The following EYS variants were observed in gnomAD, a reference collection of about 807,000 sequenced individuals.
The protein encoded by EYS is protein eyes shut homolog.
EYS carries 250 observed loss-of-function variants against 282.1 expected under a neutral mutation model. The ratio of observed to expected loss-of-function variants is 0.89; its 90% CI spans 0.80 to 0.98. EYS has a LOEUF of 0.98. Ranked by LOEUF, EYS falls within the 50% of genes least tolerant of loss-of-function variation. EYS has a pLI of 0.00. For synonymous variants in EYS, 1,355 were observed against 1,282.9 expected (o/e 1.06, Z -1.20); for missense variants, 4,016 against 3,709.0 (o/e 1.08, Z -2.15).
intron 12 of EYS, among the ~76,000 whole-genome samples, chr6:65,164,460 T>A (rs1283808409): frequency 6.6e-6 from 1 of 151,266 alleles, no homozygotes. Context: ...TTCCTTTTCT[T>A]ACTATATGCT....
intron 37 of EYS, among the ~76,000 whole-genome samples, chr6:63,802,995 G>A (rs1021200999): frequency 6.6e-6 from 1 of 152,192 alleles, no homozygotes; most frequent in Non-Finnish European, 1.5e-5. Context: ...AATGTCACAT[G>A]TAAGATTTCA....
chr6:64,133,476 TCACACACACA>T lies in EYS; in HGVS notation c.6425-51484_6425-51475del, dbSNP rs61088369. Among the ~76,000 whole-genome samples, 631 of 142,448 alleles carry T rather than the reference TCACACACACA, an allele frequency of 4.4e-3. 9 individuals are homozygous for T. The highest frequency in any genetic ancestry group is 0.015 in the African/African-American group (579 of 39,308). 93.5% of individuals were successfully genotyped at this position (142,448 alleles called of 152,430 possible). ...GAACTTGGCTTTCTTTTGCATTACT[TCACACACACA>T]CACACACACACACACACACACACAC... On this transcript the variant is annotated intron_variant, in intron 31 of 42. Coordinates refer to ENST00000503581, the MANE Select transcript of EYS (RefSeq NM_001142800.2).
chr6:65,584,679 G>A (rs2127363131), intron 2 of EYS, among the ~76,000 whole-genome samples: 1 of 151,912 alleles, frequency 6.6e-6, no homozygotes, highest in South Asian at 2.1e-4. Context: ...CCCATCCAAA[G>A]TTTATGGCAT....
chr6:64,253,463 CAACA>C (rs945098472), intron 30 of EYS, among the ~76,000 whole-genome samples: 2 of 152,140 alleles, frequency 1.3e-5, no homozygotes, highest in Non-Finnish European at 1.5e-5. Flanking sequence ...CTTGTGAGAG[CAACA>C]AACACTTGCA....
At chr6:65,154,214 T>C (rs1764681861) in intron 12 of EYS, among the ~76,000 whole-genome samples, 1 of 151,832 alleles carries the variant, frequency 6.6e-6, no homozygotes, top group Non-Finnish European at 1.5e-5. Flanking sequence ...TTCAAGAATC[T>C]TGAAGCATTT....
chr6:65,091,269 C>A (rs9453178), intron 12 of EYS, among the ~76,000 whole-genome samples: 131,986 of 132,040 alleles, frequency 1, 65,966 homozygotes, highest in Middle Eastern at 1. Flanking sequence ...CCCCATCTCC[C>A]CTAAAAAAAA....
At chr6:63,999,643 A>C (rs933518519) in intron 33 of EYS, among the ~76,000 whole-genome samples, 2 of 152,208 alleles carry the variant, frequency 1.3e-5, no homozygotes, top group African/African-American at 4.8e-5. Context: ...GAAAGGCTGC[A>C]TACCCCTGAG....
chr6:65,583,343 T>C (rs1764933692), intron 2 of EYS, among the ~76,000 whole-genome samples: 1 of 152,068 alleles, frequency 6.6e-6, no homozygotes, highest in African/African-American at 2.4e-5. Flanking sequence ...GGTATATTTA[T>C]GTCACATTTT....
chr6:64,285,301 G>A (rs1768457138), intron 30 of EYS, among the ~76,000 whole-genome samples: 3 of 151,750 alleles, frequency 2.0e-5, no homozygotes, highest in South Asian at 2.1e-4. Context: ...TCTTCCACCA[G>A]ATACCCTAAA....
intron 35 of EYS, among the ~76,000 whole-genome samples, chr6:63,950,465 C>T (rs1227751336): frequency 6.6e-6 from 1 of 151,584 alleles, no homozygotes; most frequent in Non-Finnish European, 1.5e-5. Context: ...TCCTATAAAA[C>T]AGCCCCACCC....
At chr6:64,188,895 TTCA>T (rs1765024219) in intron 31 of EYS, among the ~76,000 whole-genome samples, 1 of 152,140 alleles carries the variant, frequency 6.6e-6, no homozygotes, top group Non-Finnish European at 1.5e-5. Context: ...ATCAAGATAT[TTCA>T]TCATCTTTTT....
At chr6:65,435,688 T>A (rs547004184) in intron 5 of EYS, among the ~76,000 whole-genome samples, 2 of 152,170 alleles carry the variant, frequency 1.3e-5, no homozygotes, top group East Asian at 3.8e-4. Flanking sequence ...GACTGAATTG[T>A]GTCCTTGTCA....
chr6:63,937,321 A>G (rs1421396283), intron 35 of EYS, among the ~76,000 whole-genome samples: 11 of 134,142 alleles, frequency 8.2e-5, no homozygotes, highest in Non-Finnish European at 1.7e-4. Context: ...GTCAAGATCC[A>G]AATTTTCTAG....
At chr6:64,813,351 C>T in intron 22 of EYS, 27 bp downstream of exon 22, 2 of 1,498,176 alleles carry the variant, frequency 1.3e-6, no homozygotes, top group Non-Finnish European at 1.8e-6. Flanking sequence ...TATATATTTA[C>T]TTACTTGTGG....
intron 35 of EYS, among the ~76,000 whole-genome samples, chr6:63,864,624 T>C (rs1194798117): frequency 6.6e-6 from 1 of 152,220 alleles, no homozygotes; most frequent in Admixed American, 6.5e-5. Context: ...TTTTGATTTG[T>C]CTCATCTTTT....
At chr6:64,902,260 G>A (rs1485285147) in intron 17 of EYS, 40 bp from the exon 18 acceptor site, 1 of 1,415,930 alleles carries the variant, frequency 7.1e-7, no homozygotes, top group Non-Finnish European at 9.6e-7. Context: ...TAGTATATAT[G>A]TATAAAATCA....
At chr6:65,509,155 T>C (rs1010097297) in intron 2 of EYS, among the ~76,000 whole-genome samples, 9 of 152,188 alleles carry the variant, frequency 5.9e-5, no homozygotes, top group Non-Finnish European at 8.8e-5. Flanking sequence ...CTTTCGTTGA[T>C]TGGATGACAG....
chr6:65,459,634 G>A (rs1463823284), intron 5 of EYS, among the ~76,000 whole-genome samples: 3 of 143,206 alleles, frequency 2.1e-5, no homozygotes, highest in Non-Finnish European at 4.7e-5. Context: ...CCTGACACCT[G>A]GTAGATGTTT....
intron 21 of EYS, among the ~76,000 whole-genome samples, chr6:64,819,093 G>GA (rs967405992): frequency 1.3e-5 from 2 of 152,002 alleles, no homozygotes; most frequent in African/African-American, 2.4e-5. Flanking sequence ...CTTTAGCCTT[G>GA]AAAAACAGTT....
Sources: gnomAD v4.1 joint callset for allele counts (sites outside exome capture counted in the v4.1 genomes callset) on GRCh38, gnomAD v4.1.1 for gene constraint, MANE v1.5 for transcripts, NCBI Gene and HGNC (gene_info 2026-07-23, HGNC 2026-07-21) for gene names.